CMSS1: variants seen among roughly 807,000 people sequenced by gnomAD.
The protein encoded by CMSS1 is protein CMSS1.
CMSS1 carries 33 observed loss-of-function variants against 43.5 expected under a neutral mutation model. The observed-to-expected ratio is 0.76, with a 90% CI of 0.57 to 1.01. The LOEUF is 1.01. Among genes scored for constraint, CMSS1 ranks in the 50% least tolerant of loss-of-function variants. CMSS1 has a pLI of 0.00. For synonymous variants in CMSS1, 115 were observed against 117.2 expected, an observed-to-expected ratio of 0.98 and a Z score of 0.12; for missense variants, 313 against 326.4, an observed-to-expected ratio of 0.96 and a Z score of 0.32.
chr3:100,125,932 A>G (rs752782698), intron 1 of CMSS1, among the ~76,000 whole-genome samples: 26 of 152,234 alleles, frequency 1.7e-4, no homozygotes, highest in African/African-American at 2.7e-4. Flanking sequence ...ATGCTTTTCT[A>G]TATTAAAAAC....
chr3:99,900,405 C>A (rs1449367214), intron 1 of CMSS1, among the ~76,000 whole-genome samples: 1 of 152,032 alleles, frequency 6.6e-6, no homozygotes, highest in Non-Finnish European at 1.5e-5. Context: ...TTACAGCAGC[C>A]CTATAAGGGT....
At chr3:100,039,164 A>G (rs1394536657) in intron 1 of CMSS1, among the ~76,000 whole-genome samples, 4 of 152,242 alleles carry the variant, frequency 2.6e-5, no homozygotes, top group Non-Finnish European at 5.9e-5. Context: ...CATCAAACAC[A>G]GAGACATTCC....
intron 2 of CMSS1, among the ~76,000 whole-genome samples, chr3:100,149,736 G>A (rs1030222830): frequency 7.2e-5 from 11 of 152,110 alleles, no homozygotes; most frequent in Non-Finnish European, 8.8e-5. Context: ...TTATCTGTGC[G>A]TCTCCACAGC....
chr3:100,135,309 T>C (rs2066742468), intron 1 of CMSS1, among the ~76,000 whole-genome samples: 1 of 152,146 alleles, frequency 6.6e-6, no homozygotes, highest in African/African-American at 2.4e-5. Flanking sequence ...TATATAAATG[T>C]TCAAACATTT....
In CMSS1 at chr3:99,972,772, G is replaced by A. The variant is rs532405971; in HGVS notation, c.64+154729G>A. ...TCTTGAAGACATTTAGATTAACTGG[G>A]TGTTAATGATGTTAACTTCCATAAG... On this transcript the variant is annotated intron_variant, in intron 1 of 9. Transcript: ENST00000421999. 2.6e-5 allele frequency among the ~76,000 whole-genome samples: 4 copies of A among 152,302 alleles called. No homozygotes were observed. The South Asian group carries it at 6.2e-4, about 24-fold the overall frequency.
intron 1 of CMSS1, among the ~76,000 whole-genome samples, chr3:99,918,044 C>T (rs1008041000): frequency 4.5e-4 from 69 of 152,256 alleles, no homozygotes; most frequent in African/African-American, 1.6e-3. Flanking sequence ...GTGGCGTGAT[C>T]TCGGCTCACT....
At chr3:100,146,061 C>G (rs2066846799) in intron 1 of CMSS1, among the ~76,000 whole-genome samples, 1 of 152,190 alleles carries the variant, frequency 6.6e-6, no homozygotes, top group African/African-American at 2.4e-5. Context: ...TTGAGGCTCA[C>G]TTTGAGATAT....
At chr3:100,027,815 A>T (rs2064954090) in intron 1 of CMSS1, among the ~76,000 whole-genome samples, 2 of 152,204 alleles carry the variant, frequency 1.3e-5, no homozygotes, top group Non-Finnish European at 2.9e-5. Flanking sequence ...CAGAGGGAAA[A>T]GCATGTGTAA....
Position 100,146,969 on chromosome 3 carries a change from C to T in CMSS1, c.65-4C>T, listed in dbSNP as rs1366097939. On this transcript the variant is annotated splice_polypyrimidine_tract_variant and splice_region_variant and intron_variant, in intron 1 of 9. Transcript: ENST00000421999. ...TTCTGATTTTCAAACTTTATATTTT[C>T]TAGAAGCATCAGATGGTGAAGGAGA... is the stretch of plus-strand genomic sequence containing the variant. The T allele has an allele frequency of 6.8e-6, 11 of 1,612,988 alleles. No individual in the cohort carries two copies. The East Asian group carries it at 2.5e-4, about 36-fold the overall frequency.
intron 1 of CMSS1, chr3:99,850,661 C>T (rs368008149): frequency 6.2e-7 from 1 of 1,614,104 alleles, no homozygotes; most frequent in Non-Finnish European, 8.5e-7. Context: ...CTGTTTGTCT[C>T]TTCTAACTCA....
chr3:99,841,967 A>G (rs548906022), intron 1 of CMSS1, among the ~76,000 whole-genome samples: 1 of 152,360 alleles, frequency 6.6e-6, no homozygotes, highest in African/African-American at 2.4e-5. Context: ...TTGATCCAGC[A>G]GTCCCACTCC....
At chr3:100,163,839 T>G (rs1290233224) in intron 4 of CMSS1, among the ~76,000 whole-genome samples, 1 of 152,256 alleles carries the variant, frequency 6.6e-6, no homozygotes, top group African/African-American at 2.4e-5. Context: ...GAGCTATTTA[T>G]AGACTACTAG....
At chr3:99,856,608 T>C (rs1455398158) in intron 1 of CMSS1, among the ~76,000 whole-genome samples, 2 of 152,226 alleles carry the variant, frequency 1.3e-5, no homozygotes, top group Non-Finnish European at 2.9e-5. Context: ...TGGCTCAGAA[T>C]TGTTATAACT....
chr3:100,101,201 T>C (rs1275327381), intron 1 of CMSS1, among the ~76,000 whole-genome samples: 2 of 152,136 alleles, frequency 1.3e-5, no homozygotes, highest in Non-Finnish European at 2.9e-5. Flanking sequence ...ATACTAAGAC[T>C]GAGAAAGAAT....
chr3:99,928,464 A>G (rs1156236754), intron 1 of CMSS1, among the ~76,000 whole-genome samples: 1 of 152,236 alleles, frequency 6.6e-6, no homozygotes, highest in East Asian at 1.9e-4. Context: ...GGAGTAATCA[A>G]AAAAGGCTGG....
chr3:100,082,749 T>C (rs1202022850), intron 1 of CMSS1, among the ~76,000 whole-genome samples: 1 of 152,208 alleles, frequency 6.6e-6, no homozygotes, highest in Admixed American at 6.5e-5. Flanking sequence ...TATTGTTACA[T>C]GTTTCTGTTT....
chr3:100,161,757 A>G (rs1033993351), intron 3 of CMSS1, among the ~76,000 whole-genome samples: 1 of 152,144 alleles, frequency 6.6e-6, no homozygotes, highest in Non-Finnish European at 1.5e-5. Context: ...TATTTTTTCT[A>G]CTTTGCATAG....
At chr3:100,106,678 G>A (rs1277853043) in intron 1 of CMSS1, among the ~76,000 whole-genome samples, 1 of 152,170 alleles carries the variant, frequency 6.6e-6, no homozygotes, top group Non-Finnish European at 1.5e-5. Context: ...CCTAAAGCAT[G>A]TTGCTCACCT....
chr3:100,170,228 A>C (rs1207528721), intron 6 of CMSS1, among the ~76,000 whole-genome samples: 2 of 152,222 alleles, frequency 1.3e-5, no homozygotes, highest in African/African-American at 4.8e-5. Context: ...TTGCAAACTC[A>C]TATGTTTTTA....
Sources: gnomAD v4.1 joint callset for allele counts (sites outside exome capture counted in the v4.1 genomes callset) on GRCh38, gnomAD v4.1.1 for gene constraint, MANE v1.5 for transcripts, NCBI Gene and HGNC (gene_info 2026-07-23, HGNC 2026-07-21) for gene names.